COL9A1: variants seen among roughly 807,000 people sequenced by gnomAD.
The protein encoded by COL9A1 is collagen alpha-1(IX) chain.
COL9A1 carries 104 observed loss-of-function variants against 142.6 expected under a neutral mutation model. The ratio of observed to expected loss-of-function variants is 0.73; its 90% CI spans 0.62 to 0.86. COL9A1 has a LOEUF of 0.86. Ranked by LOEUF, COL9A1 falls within the 40% of genes least tolerant of loss-of-function variation. COL9A1 has a pLI of 0.00. For missense variants in COL9A1, 1,210 were observed against 1,176.6 expected (o/e 1.03, Z -0.42); for synonymous variants, 466 against 396.0 (o/e 1.18, Z -2.10).
intron 25 of COL9A1, among the ~76,000 whole-genome samples, chr6:70,254,253 C>T (rs1771127805): frequency 6.6e-6 from 1 of 151,936 alleles, no homozygotes; most frequent in South Asian, 2.1e-4. Context: ...GAAAAGGAAT[C>T]CAAAGCATAA....
intron 4 of COL9A1, among the ~76,000 whole-genome samples, chr6:70,298,289 GCAACCT>G (rs1169489075): frequency 6.6e-6 from 1 of 152,164 alleles, no homozygotes. Flanking sequence ...ACTCTACATA[GCAACCT>G]CATGACAGAG....
intron 5 of COL9A1, among the ~76,000 whole-genome samples, chr6:70,293,152 G>T (rs1773717157): frequency 6.6e-6 from 1 of 152,158 alleles, no homozygotes; most frequent in South Asian, 2.1e-4. Context: ...CGTGATATGG[G>T]TTTTGTGACT....
intron 14 of COL9A1, among the ~76,000 whole-genome samples, chr6:70,270,755 T>C (rs518347): frequency 0.23 from 34,532 of 152,108 alleles, 5,951 homozygotes; most frequent in African/African-American, 0.48. Context: ...CAAAAGAAGG[T>C]TTGCACTCAG....
chr6:70,257,881 GA>G lies in COL9A1; in HGVS notation c.1450-1061del, dbSNP rs374818434. On this transcript the variant is annotated intron_variant, in intron 20 of 37. Transcript: ENST00000357250. ...GATCTCCCATCAAGATCTGGAATAA[GA>G]AGTCCAGCCACATGATTCAGAAGAA... Among the ~76,000 whole-genome samples, 17 of 152,338 alleles carry G rather than the reference GA, an allele frequency of 1.1e-4. 1 individual carries two copies. The East Asian group carries it at 1.7e-3, about 16-fold the overall frequency.
intron 28 of COL9A1, among the ~76,000 whole-genome samples, chr6:70,248,064 T>C (rs187449023): frequency 2.6e-5 from 4 of 152,260 alleles, no homozygotes; most frequent in African/African-American, 4.8e-5. Context: ...TCCCAGTCAG[T>C]GCCACGAGAG....
At chr6:70,300,459 A>AT (rs1774023184) in intron 2 of COL9A1, 73 bp from the exon 3 acceptor site, 3 of 571,618 alleles carry the variant, frequency 5.2e-6, no homozygotes, top group Admixed American at 8.4e-5. Context: ...AAATAAAATA[A>AT]AATAATAATA....
At chr6:70,299,037 C>G (rs954301979) in intron 4 of COL9A1, among the ~76,000 whole-genome samples, 2 of 151,844 alleles carry the variant, frequency 1.3e-5, no homozygotes, top group Non-Finnish European at 2.9e-5. Context: ...TAATAATGAC[C>G]CTATATCACA....
intron 22 of COL9A1, 40 bp from the exon 23 acceptor site, chr6:70,255,243 G>T: frequency 1.9e-6 from 3 of 1,612,086 alleles, no homozygotes; most frequent in Non-Finnish European, 2.5e-6. Flanking sequence ...GACATGTTCA[G>T]TTAACATAAT....
Position 70,302,034 on chromosome 6 carries a change from G to T in COL9A1, c.55C>A (p.Pro19Thr). ...VFFFVCSFLE[P>T]WASAAVKRRP... ...CGCTTGACAGCTGCAGATGCCCAGG[G>T]TTCCAGGAAACTGCACACAAAGAAG... The change falls in exon 2 of 38, where the codon CCC (proline) becomes ACC (threonine). Residue 19 changes from proline (P) to threonine (T), a missense_variant. Pro to Thr is a conservative substitution (Grantham distance 38). Transcript: ENST00000357250. The T allele has an allele frequency of 1.9e-6, 3 of 1,611,944 alleles. No homozygotes were observed. The highest frequency in any genetic ancestry group is 1.7e-6 in the Non-Finnish European group (2 of 1,179,230).
chr6:70,301,431 G>A (rs753664167), intron 2 of COL9A1, among the ~76,000 whole-genome samples: 4 of 152,096 alleles, frequency 2.6e-5, no homozygotes, highest in Non-Finnish European at 5.9e-5. Context: ...TAAAAAATTA[G>A]CCAGGCATGC....
chr6:70,258,984 T>C (rs763179899), intron 20 of COL9A1, among the ~76,000 whole-genome samples: 2 of 152,116 alleles, frequency 1.3e-5, no homozygotes, highest in Non-Finnish European at 2.9e-5. Context: ...AGACACACAG[T>C]GAATGTTACT....
Position 70,232,742 on chromosome 6 carries a change from T to C in COL9A1, c.2344A>G (p.Lys782Glu). 6.2e-7 allele frequency: 1 copy of C among 1,613,718 alleles called. No individual in the cohort carries two copies. The highest frequency in any genetic ancestry group is 8.5e-7 in the Non-Finnish European group (1 of 1,179,906). Residue 782 changes from lysine to glutamate, a missense_variant, in exon 36 of 38, where the codon AAG becomes GAG. Lys to Glu is a moderately conservative substitution (Grantham distance 56). Coordinates refer to ENST00000357250, the MANE Select transcript of COL9A1 (RefSeq NM_001851.6). ...EHFAEMAASL[K>E]RPDSGATGLP... ...CCAGTGGCACCTGAGTCTGGACGCTTAAGACTGGCAGCCATCTCAGCAAAA... is the reference window on the plus strand; with the variant it reads ...CCAGTGGCACCTGAGTCTGGACGCTCAAGACTGGCAGCCATCTCAGCAAAA...
At chr6:70,301,495 T>G (rs1320282637) in intron 2 of COL9A1, among the ~76,000 whole-genome samples, 1 of 152,310 alleles carries the variant, frequency 6.6e-6, no homozygotes, top group East Asian at 1.9e-4. Context: ...AAGAATCACT[T>G]GAACCTGGGA....
intron 15 of COL9A1, among the ~76,000 whole-genome samples, chr6:70,270,066 C>T (rs929504429): frequency 6.6e-6 from 1 of 152,132 alleles, no homozygotes; most frequent in Non-Finnish European, 1.5e-5. Context: ...TGAGACATCA[C>T]AACTGTCAAA....
chr6:70,281,006 G>T lies in COL9A1; in HGVS notation c.910C>A (p.Pro304Thr), dbSNP rs929153734. The T allele has an allele frequency of 6.2e-7, 1 of 1,613,288 alleles. No homozygotes were observed. Among genetic ancestry groups the T allele is most frequent in the Non-Finnish European group, 8.5e-7 (1 of 1,179,714 alleles). Residue 304 changes from proline (P) to threonine (T), a missense_variant and splice_region_variant, in exon 9 of 38, where the codon CCG (proline) becomes ACG (threonine). Physicochemically the swap from Pro to Thr is conservative, Grantham distance 38. Coordinates refer to ENST00000357250, the MANE Select transcript of COL9A1 (RefSeq NM_001851.6). ...DRGPKGPPGP[P>T]GPAGEPGKPG... ...GCCATATGCTCCAATCAACTTACCG[G>T]GGGGCCCGGGGGGCCCTTAGGACCT...
Position 70,216,881 on chromosome 6 carries a change from T to C in COL9A1, c.*16A>G. The C allele has an allele frequency of 6.2e-7, 1 of 1,613,586 alleles. No individual in the cohort carries two copies. Among genetic ancestry groups the C allele is most frequent in the East Asian group, 2.2e-5 (1 of 44,872 alleles). On this transcript the variant is annotated 3_prime_UTR_variant, in exon 38 of 38. Coordinates refer to ENST00000357250, the MANE Select transcript of COL9A1 (RefSeq NM_001851.6). ...CAGGCGTGGTTCATGCAGACAGCCA[T>C]GCAGCAGTAAGCCTTTCAAGGGTCA...
chr6:70,287,212 AGG>A (rs1234403323), intron 5 of COL9A1, among the ~76,000 whole-genome samples: 3 of 152,188 alleles, frequency 2.0e-5, no homozygotes, highest in African/African-American at 7.2e-5. Context: ...ACAAGTCCCA[AGG>A]GTAGGAAGTG....
At chr6:70,250,301 A>G (rs1770862923) in intron 28 of COL9A1, among the ~76,000 whole-genome samples, 1 of 152,124 alleles carries the variant, frequency 6.6e-6, no homozygotes, top group African/African-American at 2.4e-5. Context: ...GTAATAGTAA[A>G]CACTCGCAAA....
At chr6:70,280,694 G>A (rs1007251460) in intron 10 of COL9A1, 118 bp downstream of exon 10, 28 of 1,400,734 alleles carry the variant, frequency 2.0e-5, no homozygotes, top group Non-Finnish European at 2.7e-5. Context: ...CAAGTTTAGA[G>A]CCACAGCGCG....
Sources: gnomAD v4.1 joint callset for allele counts (sites outside exome capture counted in the v4.1 genomes callset) on GRCh38, gnomAD v4.1.1 for gene constraint, MANE v1.5 for transcripts, NCBI Gene and HGNC (gene_info 2026-07-23, HGNC 2026-07-21) for gene names.